The following NEURL4 variants were observed in gnomAD, a reference collection of about 807,000 sequenced individuals.
NEURL4 encodes the protein neuralized-like protein 4.
A neutral mutation model predicts 148.0 loss-of-function variants in NEURL4; 45 were observed. The observed-to-expected ratio is 0.30, with a 90% CI of 0.24 to 0.39. The LOEUF is 0.39. NEURL4 is among the 10% of genes least tolerant of loss of function. NEURL4 has a pLI of 1.00. For synonymous variants in NEURL4, 854 were observed against 869.0 expected, an observed-to-expected ratio of 0.98 and a Z score of 0.30; for missense variants, 1,776 against 2,144.0, an observed-to-expected ratio of 0.83 and a Z score of 3.39.
rs1284523240 is a variant in NEURL4 at position 7,319,695 on chromosome 17, C to T, written c.3526-487G>A. On this transcript the variant is annotated intron_variant, in intron 21 of 28. Coordinates refer to ENST00000399464, the MANE Select transcript of NEURL4 (RefSeq NM_032442.3). ...AGCCTGGGCGACAAGAGCTAAACTC[C>T]GTCTCAAAAAAAACAAAAAAACAAA... Among the ~76,000 whole-genome samples, 88 of 92,264 alleles carry T rather than the reference C, an allele frequency of 9.5e-4. 2 individuals are homozygous for T. The highest frequency in any genetic ancestry group is 2.5e-3 in the African/African-American group (85 of 33,928). 60.5% of individuals were successfully genotyped at this position (92,264 alleles called of 152,430 possible). A position where few individuals can be genotyped will look rare whatever the true frequency, so the allele number is the denominator to read the frequency against.
chr17:7,326,354 GT>G lies in NEURL4; in HGVS notation c.1205-12del. Reference sequence around the variant, plus strand: ...TCATCATGATGGTGCCTGGGTGATAGTGGACACTTGGGTTCGGGTACGGGGC... The same window carrying G: ...TCATCATGATGGTGCCTGGGTGATAGGGACACTTGGGTTCGGGTACGGGGC... On this transcript the variant is annotated splice_polypyrimidine_tract_variant and intron_variant, in intron 5 of 28. Transcript: ENST00000399464. The surrounding 1 kb of genome is among the most constrained non-coding windows in gnomAD (Gnocchi z 6.0). The G allele has an allele frequency of 1.2e-6, 2 of 1,614,160 alleles. No homozygotes were observed. Among genetic ancestry groups the G allele is most frequent in the Non-Finnish European group, 1.7e-6 (2 of 1,180,022 alleles).
rs2072936105 is a variant in NEURL4, at chr17:7,315,928, G to A, written c.*195C>T. 5.0e-6 allele frequency: 3 copies of A among 598,826 alleles called. No homozygotes were observed. In the African/African-American group the frequency reaches 5.6e-5, roughly 11 times the overall value. The allele number at this position is 598,826 out of a possible 1,614,324, so 37.1% of individuals were successfully genotyped here. ...CTCCCACGACTCCTCCCATCAGACG[G>A]AGTGCTGGGCCTCCGGACATGGAGC... is the stretch of plus-strand genomic sequence containing the variant. On this transcript the variant is annotated 3_prime_UTR_variant, in exon 29 of 29. Coordinates refer to ENST00000399464, the MANE Select transcript of NEURL4 (RefSeq NM_032442.3).
Position 7,324,968 on chromosome 17 carries a change from G to A in NEURL4, c.1644C>T (p.Asp548=). The A allele has an allele frequency of 6.2e-7, 1 of 1,614,078 alleles. No homozygotes were observed. The highest frequency in any genetic ancestry group is 8.5e-7 in the Non-Finnish European group (1 of 1,180,002). The change falls in exon 9 of 29, where the codon GAC becomes GAT. Residue 548 remains aspartate, a synonymous_variant. Coordinates refer to ENST00000399464, the MANE Select transcript of NEURL4 (RefSeq NM_032442.3). The surrounding 1 kb of genome is among the most constrained non-coding windows in gnomAD (Gnocchi z 5.9). ...RTALRPHATD[D]FNHGVVLSSR... is the part of the protein sequence containing the mutation. ...TGCTCAGCACCACGCCGTGATTGAA[G>A]TCATCGGTGGCACTGAGGGCACAGC...
At position 7,325,281 on chromosome 17, in the gene NEURL4, C is replaced by T. The variant is rs757076319; in HGVS notation, c.1559G>A (p.Arg520His). ...AAPAAQAEPE[R>H]LLFHPNCGQK... is the part of the protein sequence containing the mutation. Reference sequence around the variant, plus strand: ...CCCACAGTTGGGGTGGAAGAGCAGGCGCTCAGGTTCTGCCTGGGCGGCAGG... The same window carrying T: ...CCCACAGTTGGGGTGGAAGAGCAGGTGCTCAGGTTCTGCCTGGGCGGCAGG... The change falls in exon 8 of 29, where the codon CGC becomes CAC. Residue 520 changes from arginine to histidine, a missense_variant. Physicochemically the swap from Arg to His is conservative, Grantham distance 29 (BLOSUM62 0). Coordinates refer to ENST00000399464, the MANE Select transcript of NEURL4 (RefSeq NM_032442.3). 1.1e-5 allele frequency: 17 copies of T among 1,608,166 alleles called. No individual in the cohort carries two copies. The highest frequency in any genetic ancestry group is 1.3e-5 in the Non-Finnish European group (15 of 1,177,778).
At position 7,326,279 on chromosome 17, in the gene NEURL4, G is replaced by A. The variant is rs771788899; in HGVS notation, c.1269C>T (p.Cys423=). 6 of 1,614,040 alleles carry A rather than the reference G, an allele frequency of 3.7e-6. No homozygotes were observed. Among genetic ancestry groups the A allele is most frequent in the South Asian group, 1.1e-5 (1 of 91,068 alleles). The part of the protein sequence containing the change: ...TNGKGTRREY[C]EFSLDELQEG... ...CCTGCAACTCATCCAGACTGAATTCGCAGTACTCCCGGCGGGTGCCCTTGC... is the reference window on the plus strand; with the variant it reads ...CCTGCAACTCATCCAGACTGAATTCACAGTACTCCCGGCGGGTGCCCTTGC... Residue 423 remains cysteine, a synonymous_variant, in exon 6 of 29, where the codon TGC becomes TGT. Coordinates refer to ENST00000399464, the MANE Select transcript of NEURL4 (RefSeq NM_032442.3). This position sits in a 1 kb window ranked among gnomAD's most constrained non-coding sequence, Gnocchi z 6.0.
At chr17:7,316,957 A>T (rs1190188863) in intron 28 of NEURL4, among the ~76,000 whole-genome samples, 1 of 152,144 alleles carries the variant, frequency 6.6e-6, no homozygotes, top group Non-Finnish European at 1.5e-5. Context: ...AATAATACTT[A>T]TTACGTATGA....
At position 7,326,353 on chromosome 17, in the gene NEURL4, A is replaced by G. The variant is rs1004814831; in HGVS notation, c.1205-10T>C. On this transcript the variant is annotated splice_polypyrimidine_tract_variant and intron_variant, in intron 5 of 28. Coordinates refer to ENST00000399464, the MANE Select transcript of NEURL4 (RefSeq NM_032442.3). This position sits in a 1 kb window ranked among gnomAD's most constrained non-coding sequence, Gnocchi z 6.0. ...CTCATCATGATGGTGCCTGGGTGAT[A>G]GTGGACACTTGGGTTCGGGTACGGG... The G allele has an allele frequency of 6.2e-7, 1 of 1,614,046 alleles. No homozygotes were observed.
chr17:7,320,679 C>A, intron 21 of NEURL4, 80 bp downstream of exon 21: 2 of 1,374,040 alleles, frequency 1.5e-6, no homozygotes, highest in Non-Finnish European at 2.0e-6. Context: ...TTTCTCCACA[C>A]AAAAAGGCCT....
chr17:7,319,931 G>A (rs1459650009), intron 21 of NEURL4, among the ~76,000 whole-genome samples: 1 of 151,752 alleles, frequency 6.6e-6, no homozygotes, highest in Non-Finnish European at 1.5e-5. Flanking sequence ...CTGGGTTCAA[G>A]CCATTCTCCT....
rs762882591 is a variant in NEURL4, at chr17:7,323,088, C to T, written c.2453G>A (p.Arg818His). The part of the protein sequence containing the change: ...TAIMQDGNTM[R>H]NNYGCDLDAL... ...ATCCAGGTCACACCCATAATTGTTG[C>T]GCATCGTGTTACCGTCTTGCATGAT... is the stretch of plus-strand genomic sequence containing the variant. The change falls in exon 15 of 29, where the codon CGC becomes CAC. Residue 818 changes from arginine (R) to histidine (H), a missense_variant. Coordinates refer to ENST00000399464, the MANE Select transcript of NEURL4 (RefSeq NM_032442.3). The T allele has an allele frequency of 3.7e-6, 6 of 1,613,554 alleles. No homozygotes were observed. Among genetic ancestry groups the T allele is most frequent in the East Asian group, 2.2e-5 (1 of 44,892 alleles).
rs748668909 is a variant in NEURL4 at position 7,328,991 on chromosome 17, C to G, written c.282+40G>C. ...CCCGTCTCCCTCTAGACGCCTCCCA[C>G]CACCCTCCACATCTCTGTTCCGCGG... On this transcript the variant is annotated intron_variant, in intron 1 of 28. Transcript: ENST00000399464. The G allele has an allele frequency of 4.7e-6, 7 of 1,501,192 alleles. No homozygotes were observed. The African/African-American group carries it at 8.6e-5, about 18-fold the overall frequency. The allele number at this position is 1,501,192 out of a possible 1,614,324, so 93.0% of individuals were successfully genotyped here. A position where few individuals can be genotyped will look rare whatever the true frequency, so the allele number is the denominator to read the frequency against.
intron 28 of NEURL4, 36 bp downstream of exon 28, chr17:7,317,169 C>T (rs1277391545): frequency 6.9e-7 from 1 of 1,442,738 alleles, no homozygotes; most frequent in Non-Finnish European, 9.2e-7. Flanking sequence ...CCATCCGAGC[C>T]CCTGGAAATC....
In NEURL4 at chr17:7,319,215, A is replaced by G. The variant is rs1404433177; in HGVS notation, c.3526-7T>C. The G allele has an allele frequency of 1.9e-6, 3 of 1,607,966 alleles. No homozygotes were observed. The highest frequency in any genetic ancestry group is 3.4e-5 in the Admixed American group (2 of 59,374). The stretch of plus-strand genomic sequence containing the variant: ...TTAGGAAATCTATCCGCACCTGGGG[A>G]AGAAAGAACTACTCCATAATCACAG... On this transcript the variant is annotated splice_region_variant and splice_polypyrimidine_tract_variant and intron_variant, in intron 21 of 28. Transcript: ENST00000399464.
chr17:7,320,429 C>T (rs1393170031), intron 21 of NEURL4, among the ~76,000 whole-genome samples: 1 of 152,192 alleles, frequency 6.6e-6, no homozygotes, highest in Non-Finnish European at 1.5e-5. Context: ...GCCACCGCAC[C>T]CGGGCTCAGC....
intron 1 of NEURL4, among the ~76,000 whole-genome samples, chr17:7,328,606 G>A (rs1275667286): frequency 6.6e-6 from 1 of 152,170 alleles, no homozygotes; most frequent in Non-Finnish European, 1.5e-5. Flanking sequence ...GTTTCACCAC[G>A]TTCACCAGGC....
In NEURL4 at chr17:7,322,593, G is replaced by T; in HGVS notation, c.2725+142C>A. The T allele has an allele frequency of 3.7e-6, 4 of 1,075,984 alleles. No homozygotes were observed. Among genetic ancestry groups the T allele is most frequent in the Middle Eastern group, 3.2e-4 (1 of 3,146 alleles). The allele number at this position is 1,075,984 out of a possible 1,614,324, so 66.7% of individuals were successfully genotyped here. ...GTAACCTCCCCCTCACTGGCTGCTT[G>T]CCACCGTGGGCTGTCCCTTCCCTGG... On this transcript the variant is annotated intron_variant, in intron 16 of 28. Coordinates refer to ENST00000399464, the MANE Select transcript of NEURL4 (RefSeq NM_032442.3). This position sits in a 1 kb window ranked among gnomAD's most constrained non-coding sequence, Gnocchi z 5.5.
At chr17:7,316,589 C>G (rs117946740) in intron 28 of NEURL4, among the ~76,000 whole-genome samples, 36 of 152,336 alleles carry the variant, frequency 2.4e-4, no homozygotes, top group Non-Finnish European at 4.7e-4. Flanking sequence ...GTCTCCGCCC[C>G]ATTCTTTCTC....
chr17:7,327,921 C>A lies in NEURL4; in HGVS notation c.283-37G>T. On this transcript the variant is annotated intron_variant, in intron 1 of 28. Transcript: ENST00000399464. The surrounding 1 kb of genome is among the most constrained non-coding windows in gnomAD (Gnocchi z 6.6). Reference sequence around the variant, plus strand: ...GTATTGGACAGAGGCTTAGAATGGGCCACCCCCCATTCCACAGGCCACCAT... The same window carrying A: ...GTATTGGACAGAGGCTTAGAATGGGACACCCCCCATTCCACAGGCCACCAT... The A allele has an allele frequency of 6.8e-7, 1 of 1,480,192 alleles. No homozygotes were observed. The highest frequency in any genetic ancestry group is 1.3e-5 in the South Asian group (1 of 78,964). The allele number at this position is 1,480,192 out of a possible 1,614,324, so 91.7% of individuals were successfully genotyped here.
chr17:7,329,176 G>A lies in NEURL4; in HGVS notation c.137C>T (p.Pro46Leu), dbSNP rs749790370. 2 of 1,596,484 alleles carry A rather than the reference G, an allele frequency of 1.3e-6. No homozygotes were observed. Among genetic ancestry groups the A allele is most frequent in the South Asian group, 1.1e-5 (1 of 89,504 alleles). Residue 46 changes from proline to leucine, a missense_variant, in exon 1 of 29, where the codon CCG (proline) becomes CTG (leucine). Coordinates refer to ENST00000399464, the MANE Select transcript of NEURL4 (RefSeq NM_032442.3). The stretch of plus-strand genomic sequence containing the variant: ...CAGGCTCACCAAGCGCCCAGTGCGC[G>A]GGTGCAGTTCCCCGCCGCTGCCCAG... ...GGLGSGGELH[P>L]RTGRLVSLSA...
Sources: allele counts gnomAD v4.1 joint callset (sites outside exome capture counted in the v4.1 genomes callset), GRCh38; gene constraint gnomAD v4.1.1; non-coding constraint Gnocchi (gnomAD v3.1); transcripts MANE v1.5; gene names NCBI Gene and HGNC (gene_info 2026-07-23, HGNC 2026-07-21).